MFSD11: variants seen among roughly 807,000 people sequenced by gnomAD.
The protein encoded by MFSD11 is UNC93-like protein MFSD11.
MFSD11 carries 36 observed loss-of-function variants against 53.5 expected under a neutral mutation model. The ratio of observed to expected loss-of-function variants is 0.67; its 90% confidence interval spans 0.52 to 0.89. MFSD11 has a LOEUF of 0.89. Among genes scored for constraint, MFSD11 ranks in the 40% least tolerant of loss-of-function variants. MFSD11 has a pLI of 0.00. For synonymous variants in MFSD11, 186 were observed against 184.9 expected (o/e 1.01, Z -0.05); for missense variants, 530 against 543.9 (o/e 0.97, Z 0.25).
chr17:76,802,163 C>G, the MFSD11 span, among the ~76,000 whole-genome samples: 1 of 151,986 alleles, frequency 6.6e-6, no homozygotes, highest in Non-Finnish European at 1.5e-5. Flanking sequence ...CCCAGCTTCT[C>G]GGAAGGCTAA....
chr17:76,756,833 C>G (rs1356124187), intron 8 of MFSD11, among the ~76,000 whole-genome samples: 4 of 150,420 alleles, frequency 2.7e-5, no homozygotes, highest in Non-Finnish European at 5.9e-5. Context: ...GCACTCCAGC[C>G]TGGGCGACAG....
intron 10 of MFSD11, among the ~76,000 whole-genome samples, chr17:76,770,553 G>A (rs2081299956): frequency 6.6e-6 from 1 of 152,164 alleles, no homozygotes; most frequent in Non-Finnish European, 1.5e-5. Context: ...TCCAAAGTTA[G>A]TGTCAGATTC....
chr17:76,738,504 A>C (rs1489993228), intron 1 of MFSD11, 56 bp downstream of exon 1: 1 of 1,254,892 alleles, frequency 8.0e-7, no homozygotes, highest in African/African-American at 1.5e-5. Flanking sequence ...GCAGTCCAGA[A>C]ATGAAAATAA....
In MFSD11 at chr17:76,744,964, T is replaced by C. The variant is rs115051852; in HGVS notation, c.641+498T>C. 5.2e-3 allele frequency among the ~76,000 whole-genome samples: 792 copies of C among 152,278 alleles called. 9 individuals carry two copies. Among genetic ancestry groups the C allele is most frequent in the African/African-American group, 0.018 (755 of 41,546 alleles). On this transcript the variant is annotated intron_variant, in intron 7 of 12. Transcript: ENST00000685175. ...TGTCCGGCTCTTGCACTAACTTACA[T>C]AGGCGGTTTTCCCCAGAGTGGTCCA...
In MFSD11 at chr17:76,776,089, GT is replaced by G. The variant is rs2081812046; in HGVS notation, c.1050-316del. 6.6e-6 allele frequency among the ~76,000 whole-genome samples: 1 copy of G among 152,002 alleles called. No individual in the cohort carries two copies. The highest frequency in any genetic ancestry group is 1.5e-5 in the Non-Finnish European group (1 of 67,998). ...CACCTCCGGGGTTCAAGTGATTCTC[GT>G]GTCTCAGCCTCCCGAGTAGCTGGGA... is the stretch of plus-strand genomic sequence containing the variant. On this transcript the variant is annotated intron_variant, in intron 11 of 12. Coordinates refer to ENST00000685175, the MANE Select transcript of MFSD11 (RefSeq NM_001242532.5). This position sits in a 1 kb window ranked among gnomAD's most constrained non-coding sequence, Gnocchi z 4.2.
At chr17:76,736,873 C>T (rs1050014392), upstream of MFSD11, 6 of 1,610,874 alleles carry the variant, frequency 3.7e-6, no homozygotes, top group South Asian at 2.2e-5. Context: ...GGTGTGAGTC[C>T]GGGGGGCGGC....
intron 8 of MFSD11, among the ~76,000 whole-genome samples, chr17:76,763,342 G>A (rs750325522): frequency 6.6e-6 from 1 of 151,372 alleles, no homozygotes; most frequent in Non-Finnish European, 1.5e-5. Context: ...TCGACTCACT[G>A]CAACCTCCAC....
intron 8 of MFSD11, among the ~76,000 whole-genome samples, chr17:76,763,856 ATGTTTT>A (rs1448212781): frequency 9.3e-5 from 14 of 150,720 alleles, no homozygotes; most frequent in Non-Finnish European, 1.5e-4. Flanking sequence ...GAGGTACAAC[ATGTTTT>A]TGTTTTTGTT....
intron 5 of MFSD11, among the ~76,000 whole-genome samples, 197 bp downstream of exon 5, chr17:76,742,470 ATT>A (rs910226187): frequency 5.9e-5 from 9 of 151,574 alleles, no homozygotes; most frequent in Non-Finnish European, 8.8e-5. Context: ...ACTCAGGACT[ATT>A]TATACCAATA....
chr17:76,741,404 A>G (rs1206904945), intron 3 of MFSD11, among the ~76,000 whole-genome samples: 2 of 152,196 alleles, frequency 1.3e-5, no homozygotes, highest in South Asian at 2.1e-4. Context: ...CTCTAGAACT[A>G]TAGTTCCATG....
In MFSD11 at chr17:76,742,177, T is replaced by C; in HGVS notation, c.341T>C (p.Val114Ala). 1 of 1,614,158 alleles carries C rather than the reference T, an allele frequency of 6.2e-7. No homozygotes were observed. Among genetic ancestry groups the C allele is most frequent in the Non-Finnish European group, 8.5e-7 (1 of 1,180,008 alleles). ...ASVFIGIAAA[V>A]LWTAQGNCLT... Reference sequence around the variant, plus strand: ...GATAAACTTTTGGGTTGAATTTTAGTGCTTTGGACAGCACAAGGAAACTGC... The same window carrying C: ...GATAAACTTTTGGGTTGAATTTTAGCGCTTTGGACAGCACAAGGAAACTGC... The change falls in exon 5 of 13, where the codon GTG (valine) becomes GCG (alanine). Residue 114 changes from valine (V) to alanine (A), a missense_variant and splice_region_variant. Coordinates refer to ENST00000685175, the MANE Select transcript of MFSD11 (RefSeq NM_001242532.5).
At chr17:76,738,050 G>A (rs559752143), upstream of MFSD11, 442 of 401,080 alleles carry the variant, frequency 1.1e-3, no homozygotes, top group African/African-American at 8.3e-3. Flanking sequence ...GCTGGCACTT[G>A]GCCCTTTAAT....
intron 7 of MFSD11, among the ~76,000 whole-genome samples, chr17:76,746,025 G>A (rs2078513951): frequency 6.6e-6 from 1 of 152,112 alleles, no homozygotes; most frequent in African/African-American, 2.4e-5. Flanking sequence ...AGCTGAGACA[G>A]GCTGAAAGCT....
the MFSD11 span, among the ~76,000 whole-genome samples, chr17:76,794,902 G>C: frequency 6.6e-6 from 1 of 150,746 alleles, no homozygotes; most frequent in East Asian, 2.0e-4. Flanking sequence ...CACCATCCTG[G>C]CCAGGCTGGT....
In MFSD11 at chr17:76,738,325, C is replaced by A. The variant is rs752069727; in HGVS notation, c.-28C>A. The A allele has an allele frequency of 2.6e-6, 4 of 1,531,054 alleles. No homozygotes were observed. Among genetic ancestry groups the A allele is most frequent in the African/African-American group, 2.7e-5 (2 of 73,192 alleles). The allele number at this position is 1,531,054 out of a possible 1,614,324, so 94.8% of individuals were successfully genotyped here. A position where few individuals can be genotyped will look rare whatever the true frequency, so the allele number is the denominator to read the frequency against. On this transcript the variant is annotated 5_prime_UTR_variant, in exon 1 of 13. In the 5' UTR this introduces an upstream ATG that the reference lacks. Transcript: ENST00000685175. ...CCCGAGGAGAGCTGACTGCCCTGGG[C>A]TGCTGCCTCCGGCAGAGCTGAGCCA...
chr17:76,786,738 A>G, the MFSD11 span, among the ~76,000 whole-genome samples: 1 of 152,242 alleles, frequency 6.6e-6, no homozygotes, highest in African/African-American at 2.4e-5. Flanking sequence ...TCACATAGGC[A>G]GCCTCTGCCC....
the MFSD11 span, among the ~76,000 whole-genome samples, chr17:76,801,050 TG>T: frequency 6.7e-6 from 1 of 150,146 alleles, no homozygotes; most frequent in Middle Eastern, 3.4e-3. Flanking sequence ...CACTTCAGCC[TG>T]GGCAACAGAG....
At chr17:76,744,618 G>A (rs1343455235) in intron 7 of MFSD11, 152 bp downstream of exon 7, 33 of 703,548 alleles carry the variant, frequency 4.7e-5, no homozygotes, top group Middle Eastern at 4.0e-4. Context: ...GAGGAGCTGC[G>A]AGGGAGGAAG....
At chr17:76,753,145 C>T (rs1337123980) in intron 7 of MFSD11, 3 of 152,008 alleles carry the variant, frequency 2.0e-5, no homozygotes, top group Admixed American at 1.3e-4. Flanking sequence ...TGAAGCCAAT[C>T]GAGAGTACAG....
Sources: gnomAD v4.1 joint callset for allele counts (sites outside exome capture counted in the v4.1 genomes callset) on GRCh38, gnomAD v4.1.1 for gene constraint, Gnocchi (gnomAD v3.1) non-coding constraint, MANE v1.5 for transcripts, NCBI Gene and HGNC (gene_info 2026-07-23, HGNC 2026-07-21) for gene names.